The following SYBU variants were observed in gnomAD, a reference collection of about 807,000 sequenced individuals.
The protein encoded by SYBU is GOLSYN A protein.
Under a neutral mutation model 35.9 loss-of-function variants are expected in SYBU, and 21 were observed. That is an observed-to-expected ratio of 0.58 (90% CI 0.41 to 0.84). The LOEUF (loss-of-function observed/expected upper bound fraction) is 0.84. Among genes scored for constraint, SYBU ranks in the 40% least tolerant of loss-of-function variants. The pLI is 0.00. For synonymous variants in SYBU, 319 were observed against 324.3 expected (o/e 0.98, Z 0.18); for missense variants, 768 against 848.2 (o/e 0.91, Z 1.17).
chr8:109,612,154 C>A (rs992261860), intron 3 of SYBU, among the ~76,000 whole-genome samples: 2 of 152,142 alleles, frequency 1.3e-5, no homozygotes, highest in African/African-American at 2.4e-5. Flanking sequence ...CCTTGTACCC[C>A]AGTTTTCCTA....
chr8:109,604,869 C>A (rs758101283), intron 3 of SYBU, among the ~76,000 whole-genome samples: 3 of 152,184 alleles, frequency 2.0e-5, no homozygotes, highest in Non-Finnish European at 2.9e-5. Context: ...AACAGTCAGG[C>A]CCGCCAGTAG....
intron 2 of SYBU, among the ~76,000 whole-genome samples, chr8:109,631,136 G>A (rs1195650019): frequency 1.3e-5 from 2 of 152,154 alleles, no homozygotes; most frequent in African/African-American, 2.4e-5. Flanking sequence ...GCCATGAAGA[G>A]GAGCAGAGAA....
rs763156319 is a variant in SYBU at position 109,622,210 on chromosome 8, TATCTATCTATCTATC to T, written c.230-3186_230-3172del. ...CTATCTATCTATCTATCTATCTATC[TATCTATCTATCTATC>T]ATCTATCTATCTATCTATCTTTTTA... is the stretch of plus-strand genomic sequence containing the variant. On this transcript the variant is annotated intron_variant, in intron 2 of 6. Transcript: ENST00000276646. 4.5e-3 allele frequency among the ~76,000 whole-genome samples: 678 copies of T among 149,028 alleles called. 4 individuals carry two copies. Among genetic ancestry groups the T allele is most frequent in the African/African-American group, 0.016 (643 of 40,134 alleles).
chr8:109,618,183 T>A (rs1812027063), intron 3 of SYBU, among the ~76,000 whole-genome samples: 1 of 152,258 alleles, frequency 6.6e-6, no homozygotes, highest in Non-Finnish European at 1.5e-5. Flanking sequence ...AAAGTAAATA[T>A]ACTGCATGTG....
intron 5 of SYBU, among the ~76,000 whole-genome samples, chr8:109,578,603 G>A (rs776549218): frequency 6.6e-6 from 1 of 152,186 alleles, no homozygotes. Context: ...TGTATTTATG[G>A]AGAGAATAGG....
chr8:109,648,991 C>T (rs1300120087), upstream of SYBU: 3 of 117,874 alleles, frequency 2.5e-5, no homozygotes, highest in Admixed American at 1.6e-4. Flanking sequence ...CAACCCTCCT[C>T]CTTTTTTTTT....
chr8:109,688,111 A>G (rs906830167), intron 1 of SYBU, among the ~76,000 whole-genome samples: 2 of 152,214 alleles, frequency 1.3e-5, no homozygotes, highest in African/African-American at 4.8e-5. Context: ...TAGGTGGTTC[A>G]TGGATGTCTT....
intron 5 of SYBU, among the ~76,000 whole-genome samples, chr8:109,578,359 C>G (rs1192203198): frequency 6.6e-6 from 1 of 152,170 alleles, no homozygotes; most frequent in Admixed American, 6.5e-5. Flanking sequence ...GATCTCAGAC[C>G]TAAACCTACA....
At chr8:109,611,369 A>T (rs1811148361) in intron 3 of SYBU, among the ~76,000 whole-genome samples, 1 of 152,238 alleles carries the variant, frequency 6.6e-6, no homozygotes, top group South Asian at 2.1e-4. Context: ...GCACCATTAC[A>T]TCAATTGGGT....
At chr8:109,667,337 C>T (rs538028695) in intron 1 of SYBU, among the ~76,000 whole-genome samples, 2 of 152,090 alleles carry the variant, frequency 1.3e-5, no homozygotes, top group South Asian at 2.1e-4. Context: ...AGGATGGTCT[C>T]GATCTCCTCG....
intron 2 of SYBU, among the ~76,000 whole-genome samples, chr8:109,627,839 T>C (rs915527786): frequency 7.2e-5 from 11 of 152,216 alleles, no homozygotes; most frequent in African/African-American, 1.4e-4. Context: ...CCTCAACACA[T>C]GTAGCCATAT....
chr8:109,580,126 G>A lies in SYBU; in HGVS notation c.531-124C>T, dbSNP rs905492534. ...GTTGAAAGGCGCAATACAATTATTC[G>A]TGTAGACTGTCCTTAGGAGCGGCCT... On this transcript the variant is annotated intron_variant, in intron 4 of 6. Transcript: ENST00000276646. 38 of 883,816 alleles carry A rather than the reference G, an allele frequency of 4.3e-5. No homozygotes were observed. In the African/African-American group the frequency reaches 5.0e-4, roughly 12 times the overall value. 54.7% of individuals were successfully genotyped at this position (883,816 alleles called of 1,614,324 possible). A position where few individuals can be genotyped will look rare whatever the true frequency, so the allele number is the denominator to read the frequency against.
At position 109,691,241 on chromosome 8, in the gene SYBU, C is replaced by CA. The variant is rs1817637924; in HGVS notation, c.-58+91dup. 7.3e-6 allele frequency: 5 copies of CA among 685,480 alleles called. No homozygotes were observed. In the Admixed American group the frequency reaches 1.0e-4, roughly 14 times the overall value. The allele number at this position is 685,480 out of a possible 1,614,324, so 42.5% of individuals were successfully genotyped here. A position where few individuals can be genotyped will look rare whatever the true frequency, so the allele number is the denominator to read the frequency against. ...GGTGGTCCTGGGGTCCGGAGCGCCC[C>CA]ATCACTGCCCTCATTGTACCGAAGA... is the stretch of plus-strand genomic sequence containing the variant. On this transcript the variant is annotated intron_variant, in intron 1 of 7. Transcript: ENST00000422135. The surrounding 1 kb of genome is among the most constrained non-coding windows in gnomAD (Gnocchi z 4.7).
At chr8:109,620,665 G>C (rs1812309650) in intron 2 of SYBU, among the ~76,000 whole-genome samples, 1 of 152,126 alleles carries the variant, frequency 6.6e-6, no homozygotes, top group Non-Finnish European at 1.5e-5. Flanking sequence ...TGCTGCTCAT[G>C]CCTGCAGTCT....
chr8:109,644,681 C>T lies in SYBU; in HGVS notation c.-22G>A, dbSNP rs1033801007. 10 of 1,508,638 alleles carry T rather than the reference C, an allele frequency of 6.6e-6. No homozygotes were observed. The highest frequency in any genetic ancestry group is 8.8e-6 in the Non-Finnish European group (10 of 1,136,042). 93.5% of individuals were successfully genotyped at this position (1,508,638 alleles called of 1,614,324 possible). On this transcript the variant is annotated 5_prime_UTR_variant, in exon 1 of 7. Coordinates refer to ENST00000276646, the MANE Select transcript of SYBU (RefSeq NM_001099754.2). ...CCATCGCGCCGCTGCCCGCCGGCTC[C>T]TCGCGCCGCCGCTGCCGCCGTCCAG... is the stretch of plus-strand genomic sequence containing the variant.
At chr8:109,605,418 C>T (rs1331609261) in intron 3 of SYBU, among the ~76,000 whole-genome samples, 1 of 152,176 alleles carries the variant, frequency 6.6e-6, no homozygotes, top group African/African-American at 2.4e-5. Flanking sequence ...ATTCCAAGTT[C>T]CCAGCCTCTC....
chr8:109,645,649 G>GTTTTTTT (rs1815616519), upstream of SYBU: 2 of 256,746 alleles, frequency 7.8e-6, no homozygotes, highest in African/African-American at 8.1e-5. Flanking sequence ...TTTTTTTTCC[G>GTTTTTTT]TTGCTGTTGA....
chr8:109,576,041 T>TAA (rs1822254269), intron 6 of SYBU, 28 bp from the exon 7 acceptor site: 5 of 754,098 alleles, frequency 6.6e-6, no homozygotes, highest in Admixed American at 7.2e-5. Flanking sequence ...GCATGGTTAA[T>TAA]TAAAAAAAAA....
In SYBU at chr8:109,691,314, A is replaced by G; in HGVS notation, c.-58+19T>C. 2.9e-6 allele frequency: 2 copies of G among 700,928 alleles called. No homozygotes were observed. Among genetic ancestry groups the G allele is most frequent in the South Asian group, 3.0e-5 (2 of 67,306 alleles). The allele number at this position is 700,928 out of a possible 1,614,324, so 43.4% of individuals were successfully genotyped here. A position where few individuals can be genotyped will look rare whatever the true frequency, so the allele number is the denominator to read the frequency against. ...CGCGGGCACTGACAGCAGAGACCGC[A>G]TAGGCGCCCCGGTCTTACCCTTTCT... On this transcript the variant is annotated intron_variant, in intron 1 of 7. Coordinates refer to the SYBU transcript ENST00000422135. This position sits in a 1 kb window ranked among gnomAD's most constrained non-coding sequence, Gnocchi z 4.7.
Sources: gnomAD v4.1 joint callset for allele counts (sites outside exome capture counted in the v4.1 genomes callset) on GRCh38, gnomAD v4.1.1 for gene constraint, Gnocchi (gnomAD v3.1) non-coding constraint, MANE v1.5 for transcripts, NCBI Gene and HGNC (gene_info 2026-07-23, HGNC 2026-07-21) for gene names.